Variants in ABR observed in about 807,000 individuals in gnomAD.
ABR encodes the protein active breakpoint cluster region-related protein.
ABR carries 35 observed loss-of-function variants against 107.2 expected under a neutral mutation model. The ratio of observed to expected loss-of-function variants is 0.33; its 90% confidence interval spans 0.25 to 0.43. The LOEUF is 0.43. Ranked by LOEUF, ABR falls within the 20% of genes least tolerant of loss-of-function variation. The pLI, the probability that ABR is intolerant of heterozygous loss-of-function variation, is 1.00. For synonymous variants in ABR, 498 were observed against 462.0 expected (o/e 1.08, Z -1.00); for missense variants, 815 against 1,115.2 (o/e 0.73, Z 3.83).
upstream of ABR, among the ~76,000 whole-genome samples, chr17:1,190,549 G>A (rs556430913): frequency 5.3e-5 from 8 of 152,302 alleles, no homozygotes; most frequent in South Asian, 6.2e-4. Context: ...CAGGAGAATC[G>A]CTTGAACCCA....
intron 1 of ABR, among the ~76,000 whole-genome samples, chr17:1,126,868 C>T (rs938419415): frequency 6.6e-6 from 1 of 152,216 alleles, no homozygotes; most frequent in South Asian, 2.1e-4. Flanking sequence ...GGGGAAAGTG[C>T]GTGGAGCGAA....
chr17:1,165,112 T>A (rs763239217), intron 1 of ABR, among the ~76,000 whole-genome samples: 34 of 152,220 alleles, frequency 2.2e-4, no homozygotes, highest in Non-Finnish European at 4.7e-4. Context: ...AATAACTTGC[T>A]GGAGGTCATA....
chr17:1,110,369 G>A (rs1306098430), intron 2 of ABR, among the ~76,000 whole-genome samples: 1 of 152,002 alleles, frequency 6.6e-6, no homozygotes, highest in Non-Finnish European at 1.5e-5. Flanking sequence ...GAGGCCTGCG[G>A]GTGAGGCCAG....
intron 16 of ABR, among the ~76,000 whole-genome samples, chr17:1,028,103 C>A (rs1037482941): frequency 7.2e-5 from 11 of 152,104 alleles, no homozygotes; most frequent in East Asian, 3.9e-4. Flanking sequence ...TTCCTCCCCC[C>A]ACCCCAAGAC....
chr17:1,093,567 G>A (rs1439689970), intron 3 of ABR, among the ~76,000 whole-genome samples: 1 of 152,172 alleles, frequency 6.6e-6, no homozygotes, highest in Non-Finnish European at 1.5e-5. Flanking sequence ...CACTAGAGCT[G>A]TCCCCCATAG....
rs894416631 is a variant in ABR, at chr17:1,210,034, A to G, written c.838+18759T>C. Reference sequence around the variant, plus strand: ...CTTCAGAACCTCCAACAAATTAAAAAAAGAAAACACATATCTTTCATGGCA... The same window carrying G: ...CTTCAGAACCTCCAACAAATTAAAAGAAGAAAACACATATCTTTCATGGCA... On this transcript the variant is annotated intron_variant, in intron 1 of 22. Coordinates refer to the ABR transcript ENST00000574139. This position sits in a 1 kb window ranked among gnomAD's most constrained non-coding sequence, Gnocchi z 5.6. 2.0e-5 allele frequency among the ~76,000 whole-genome samples: 3 copies of G among 152,244 alleles called. No homozygotes were observed. Among genetic ancestry groups the G allele is most frequent in the Non-Finnish European group, 4.4e-5 (3 of 68,054 alleles).
chr17:1,093,727 C>T (rs1024466818), intron 3 of ABR, among the ~76,000 whole-genome samples: 7 of 152,162 alleles, frequency 4.6e-5, no homozygotes, highest in African/African-American at 1.7e-4. Context: ...ACGGCAAACT[C>T]CCAGCCCAGC....
At chr17:1,103,229 T>C (rs535372743) in intron 2 of ABR, among the ~76,000 whole-genome samples, 1 of 152,180 alleles carries the variant, frequency 6.6e-6, no homozygotes, top group Non-Finnish European at 1.5e-5. Context: ...GCAGGTGTTA[T>C]CATCTTCCTG....
intron 9 of ABR, among the ~76,000 whole-genome samples, chr17:1,069,041 T>C (rs1453863144): frequency 6.6e-6 from 1 of 152,160 alleles, no homozygotes; most frequent in Non-Finnish European, 1.5e-5. Context: ...AATGCTTAAG[T>C]AGACGATGGC....
At chr17:1,040,242 C>A (rs962895844) in intron 16 of ABR, among the ~76,000 whole-genome samples, 37 of 152,290 alleles carry the variant, frequency 2.4e-4, no homozygotes, top group African/African-American at 8.9e-4. Flanking sequence ...GGGGACAAGA[C>A]ACCCCTTGGG....
At chr17:1,067,820 G>A (rs576958186) in intron 9 of ABR, among the ~76,000 whole-genome samples, 17 of 152,344 alleles carry the variant, frequency 1.1e-4, no homozygotes, top group South Asian at 4.1e-4. Flanking sequence ...GTCTGCCATC[G>A]CAAAGGACGA....
chr17:1,213,552 G>A (rs1237362144), intron 1 of ABR, among the ~76,000 whole-genome samples: 1 of 152,122 alleles, frequency 6.6e-6, no homozygotes, highest in Non-Finnish European at 1.5e-5. Context: ...ACTATGCCCG[G>A]CTAATTTTTG....
At chr17:1,204,024 C>T (rs917141916) in intron 1 of ABR, among the ~76,000 whole-genome samples, 6 of 152,244 alleles carry the variant, frequency 3.9e-5, no homozygotes, top group African/African-American at 1.4e-4. Flanking sequence ...CACCGACCCC[C>T]GGCCCACGGG....
chr17:1,087,410 GC>G (rs2036668572), intron 4 of ABR, among the ~76,000 whole-genome samples: 1 of 152,200 alleles, frequency 6.6e-6, no homozygotes, highest in African/African-American at 2.4e-5. Context: ...GGGCAGGGGA[GC>G]GGGGGGCATC....
intron 14 of ABR, among the ~76,000 whole-genome samples, chr17:1,053,532 G>C (rs1256805420): frequency 6.6e-6 from 1 of 152,130 alleles, no homozygotes; most frequent in Non-Finnish European, 1.5e-5. Context: ...CTCTCCCCAG[G>C]TTCCTGTCTG....
At chr17:1,142,350 C>T (rs994766082) in intron 1 of ABR, among the ~76,000 whole-genome samples, 2 of 151,904 alleles carry the variant, frequency 1.3e-5, no homozygotes, top group South Asian at 2.1e-4. Context: ...TTTGGGAGGC[C>T]GAGGCAGGCG....
At chr17:1,147,360 GGTT>G (rs2040597612) in intron 1 of ABR, among the ~76,000 whole-genome samples, 1 of 134,570 alleles carries the variant, frequency 7.4e-6, no homozygotes, top group Non-Finnish European at 1.7e-5. Flanking sequence ...GGGGGGTTTT[GGTT>G]GTTTTTTTTT....
chr17:1,142,351 G>A lies in ABR; in HGVS notation c.62-16984C>T, dbSNP rs1456578383. Among the ~76,000 whole-genome samples, 4 of 152,134 alleles carry A rather than the reference G, an allele frequency of 2.6e-5. No homozygotes were observed. The East Asian group carries it at 5.9e-4, about 22-fold the overall frequency. ...TGTCATCCCAGCACTTTGGGAGGCC[G>A]AGGCAGGCGGATCACCTGAAGTCGA... is the stretch of plus-strand genomic sequence containing the variant. On this transcript the variant is annotated intron_variant, in intron 1 of 22. Transcript: ENST00000302538.
chr17:1,225,513 G>A (rs187493093), intron 1 of ABR, among the ~76,000 whole-genome samples: 38 of 152,070 alleles, frequency 2.5e-4, no homozygotes, highest in Admixed American at 3.9e-4. Flanking sequence ...TTAGCCAGGC[G>A]TAGTGGCACA....
Sources: gnomAD v4.1 joint callset for allele counts (sites outside exome capture counted in the v4.1 genomes callset) on GRCh38, gnomAD v4.1.1 for gene constraint, Gnocchi (gnomAD v3.1) non-coding constraint, MANE v1.5 for transcripts, NCBI Gene and HGNC (gene_info 2026-07-23, HGNC 2026-07-21) for gene names.